Variants in HAPLN3 observed in about 807,000 individuals in gnomAD.
The protein encoded by HAPLN3 is extracellular link domain containing, 1.
Under a neutral mutation model 28.1 loss-of-function variants are expected in HAPLN3, and 28 were observed. That is an observed-to-expected ratio of 1.00 (90% CI 0.74 to 1.37). The LOEUF (loss-of-function observed/expected upper bound fraction) is 1.37. Ranked by LOEUF, HAPLN3 falls within the 40% of genes most tolerant of loss-of-function variation. The pLI is 0.00. For missense variants in HAPLN3, 513 were observed against 504.6 expected (o/e 1.02, Z -0.16); for synonymous variants, 211 against 213.1 (o/e 0.99, Z 0.09).
intron 1 of HAPLN3, among the ~76,000 whole-genome samples, chr15:88,894,971 C>T (rs1423890605): frequency 6.6e-6 from 1 of 152,206 alleles, no homozygotes; most frequent in Non-Finnish European, 1.5e-5. Flanking sequence ...AGCTGCGGTC[C>T]AGAGGCGCAG....
At position 88,889,738 on chromosome 15, in the gene HAPLN3, AG is replaced by A. The variant is rs1314693885; in HGVS notation, c.-47-2394del. On this transcript the variant is annotated intron_variant, in intron 1 of 4. Coordinates refer to ENST00000359595, the MANE Select transcript of HAPLN3 (RefSeq NM_178232.4). ...CACTTCCCTGCAGGGGCTGAGTGGA[AG>A]GTAGACCTGGGGGCAGCAAGACCAG... 2.0e-5 allele frequency among the ~76,000 whole-genome samples: 3 copies of A among 152,242 alleles called. No homozygotes were observed. In the East Asian group the frequency reaches 5.8e-4, roughly 29 times the overall value.
rs1897632899 is a variant in HAPLN3, at chr15:88,879,350, T to C, written c.494-81A>G. 1.3e-6 allele frequency: 2 copies of C among 1,588,604 alleles called. No individual in the cohort carries two copies. Among genetic ancestry groups the C allele is most frequent in the African/African-American group, 1.3e-5 (1 of 74,580 alleles). On this transcript the variant is annotated intron_variant, in intron 3 of 4. Coordinates refer to ENST00000359595, the MANE Select transcript of HAPLN3 (RefSeq NM_178232.4). The surrounding 1 kb of genome is among the most constrained non-coding windows in gnomAD (Gnocchi z 5.0). ...CACCCCGCTCTCCTCCCACCTTCACTGGGACATGTGCTGCCTGCAACACAC... is the reference window on the plus strand; with the variant it reads ...CACCCCGCTCTCCTCCCACCTTCACCGGGACATGTGCTGCCTGCAACACAC...
rs903717312 is a variant in HAPLN3 at position 88,895,181 on chromosome 15, G to C, written c.-48+278C>G. On this transcript the variant is annotated intron_variant, in intron 1 of 4. Coordinates refer to ENST00000359595, the MANE Select transcript of HAPLN3 (RefSeq NM_178232.4). The surrounding 1 kb of genome is among the most constrained non-coding windows in gnomAD (Gnocchi z 5.5). ...CTGGAGGCGGACGGTGGTCTCGGAGGCCACGGGGTCCGCTCGGGCTCTGCT... is the reference window on the plus strand; with the variant it reads ...CTGGAGGCGGACGGTGGTCTCGGAGCCCACGGGGTCCGCTCGGGCTCTGCT... 1.3e-5 allele frequency among the ~76,000 whole-genome samples: 2 copies of C among 152,152 alleles called. No individual in the cohort carries two copies. The highest frequency in any genetic ancestry group is 4.8e-5 in the African/African-American group (2 of 41,436).
At chr15:88,885,655 C>T (rs142306095) in intron 2 of HAPLN3, among the ~76,000 whole-genome samples, 1,629 of 152,238 alleles carry the variant, frequency 0.011, 31 homozygotes, top group Non-Finnish European at 0.012. Context: ...CAGGATTTCA[C>T]CAGGTTGGTC....
chr15:88,880,263 G>A lies in HAPLN3; in HGVS notation c.494-994C>T. The stretch of plus-strand genomic sequence containing the variant: ...CTCTAGGCTGCCCCTGCAGACCCCA[G>A]ACCAATGACTCTTGCAGGTTCTCCC... On this transcript the variant is annotated intron_variant, in intron 3 of 4. Coordinates refer to ENST00000359595, the MANE Select transcript of HAPLN3 (RefSeq NM_178232.4). The surrounding 1 kb of genome is among the most constrained non-coding windows in gnomAD (Gnocchi z 6.0). 1 of 1,041,190 alleles carries A rather than the reference G, an allele frequency of 9.6e-7. No individual in the cohort carries two copies. The highest frequency in any genetic ancestry group is 1.2e-6 in the Non-Finnish European group (1 of 862,900). The allele number at this position is 1,041,190 out of a possible 1,614,324, so 64.5% of individuals were successfully genotyped here. A position where few individuals can be genotyped will look rare whatever the true frequency, so the allele number is the denominator to read the frequency against.
At chr15:88,892,249 G>C (rs1434360919) in intron 1 of HAPLN3, among the ~76,000 whole-genome samples, 1 of 152,102 alleles carries the variant, frequency 6.6e-6, no homozygotes, top group Non-Finnish European at 1.5e-5. Flanking sequence ...CTGAGGTCAG[G>C]AGTTTGAGAC....
rs1897568911 is a variant in HAPLN3, at chr15:88,877,826, C to A, written c.*144G>T. On this transcript the variant is annotated 3_prime_UTR_variant, in exon 5 of 5. Coordinates refer to ENST00000359595, the MANE Select transcript of HAPLN3 (RefSeq NM_178232.4). The surrounding 1 kb of genome is among the most constrained non-coding windows in gnomAD (Gnocchi z 5.1). ...GAGGCATTGGGTTCTGTTTGCTTTA[C>A]AAAAAATAGTAAAAAAATGTTTAAA... is the stretch of plus-strand genomic sequence containing the variant. The A allele has an allele frequency of 3.4e-6, 3 of 870,838 alleles. No homozygotes were observed. The South Asian group carries it at 5.8e-5, about 17-fold the overall frequency. 53.9% of individuals were successfully genotyped at this position (870,838 alleles called of 1,614,324 possible). A position where few individuals can be genotyped will look rare whatever the true frequency, so the allele number is the denominator to read the frequency against.
intron 1 of HAPLN3, among the ~76,000 whole-genome samples, chr15:88,891,178 C>G (rs1304069991): frequency 6.6e-6 from 1 of 151,822 alleles, no homozygotes; most frequent in South Asian, 2.1e-4. Flanking sequence ...CTGCACCCGG[C>G]CTGCATCTCT....
chr15:88,880,400 C>A lies in HAPLN3; in HGVS notation c.493+957G>T. On this transcript the variant is annotated intron_variant, in intron 3 of 4. Coordinates refer to ENST00000359595, the MANE Select transcript of HAPLN3 (RefSeq NM_178232.4). This position sits in a 1 kb window ranked among gnomAD's most constrained non-coding sequence, Gnocchi z 6.0. ...ACAGAGAACGCATTTTAAGGACATA[C>A]ATCTTATCCTCATTGCCTCTGAGGG... 8.6e-7 allele frequency: 1 copy of A among 1,163,058 alleles called. No homozygotes were observed. Among genetic ancestry groups the A allele is most frequent in the South Asian group, 1.7e-5 (1 of 59,108 alleles). The allele number at this position is 1,163,058 out of a possible 1,614,324, so 72.0% of individuals were successfully genotyped here.
Position 88,878,868 on chromosome 15 carries a change from A to G in HAPLN3, c.796+99T>C. 8.5e-6 allele frequency: 11 copies of G among 1,298,582 alleles called. No individual in the cohort carries two copies. In the South Asian group the frequency reaches 1.2e-4, roughly 15 times the overall value. 80.4% of individuals were successfully genotyped at this position (1,298,582 alleles called of 1,614,324 possible). ...TTGGCCTCCAGGTGGCAGTACCAGCAGAGCCAGCAGAGGGGGCCAGAGCTC... is the reference window on the plus strand; with the variant it reads ...TTGGCCTCCAGGTGGCAGTACCAGCGGAGCCAGCAGAGGGGGCCAGAGCTC... On this transcript the variant is annotated intron_variant, in intron 4 of 4. Transcript: ENST00000359595.
intron 1 of HAPLN3, among the ~76,000 whole-genome samples, chr15:88,892,146 A>C (rs891099248): frequency 1.3e-5 from 2 of 152,138 alleles, no homozygotes; most frequent in African/African-American, 4.8e-5. Flanking sequence ...CCTCACATTG[A>C]GGGGGATGCC....
chr15:88,893,126 G>A, intron 1 of HAPLN3: 2 of 751,670 alleles, frequency 2.7e-6, no homozygotes, highest in Admixed American at 4.0e-5. Flanking sequence ...TAAAAAAAAG[G>A]AACTTAAGGC....
At chr15:88,889,745 C>T (rs1897961151) in intron 1 of HAPLN3, among the ~76,000 whole-genome samples, 1 of 152,180 alleles carries the variant, frequency 6.6e-6, no homozygotes, top group African/African-American at 2.4e-5. Flanking sequence ...GGAAGGTAGA[C>T]CTGGGGGCAG....
intron 4 of HAPLN3, among the ~76,000 whole-genome samples, chr15:88,878,695 C>T (rs1012836275): frequency 1.3e-5 from 2 of 152,358 alleles, no homozygotes; most frequent in Non-Finnish European, 2.9e-5. Context: ...CTGTGATTCC[C>T]GAGAGCCTAG....
intron 2 of HAPLN3, among the ~76,000 whole-genome samples, 159 bp downstream of exon 2, chr15:88,887,016 C>G (rs927219413): frequency 2.0e-5 from 3 of 152,106 alleles, no homozygotes; most frequent in African/African-American, 7.2e-5. Context: ...ATGAACTCAC[C>G]CCTTCCCCTG....
chr15:88,886,446 C>G (rs1596171872), intron 2 of HAPLN3, among the ~76,000 whole-genome samples: 1 of 152,036 alleles, frequency 6.6e-6, no homozygotes, highest in African/African-American at 2.4e-5. Flanking sequence ...AGAAGCGCGC[C>G]CAACCCATGT....
rs1318967719 is a variant in HAPLN3, at chr15:88,881,770, CT to C, written c.125-46del. The stretch of plus-strand genomic sequence containing the variant: ...GCAGATGAGACCTGCTGAAGCACAT[CT>C]GTACCCCTGCAAGGGCCACCGCACA... On this transcript the variant is annotated intron_variant, in intron 2 of 4. Coordinates refer to ENST00000359595, the MANE Select transcript of HAPLN3 (RefSeq NM_178232.4). The surrounding 1 kb of genome is among the most constrained non-coding windows in gnomAD (Gnocchi z 6.0). 2.6e-6 allele frequency: 4 copies of C among 1,561,486 alleles called. No homozygotes were observed. The African/African-American group carries it at 4.1e-5, about 16-fold the overall frequency.
At position 88,880,429 on chromosome 15, in the gene HAPLN3, T is replaced by G; in HGVS notation, c.493+928A>C. ...TTATCCTCATTGCCTCTGAGGGAGG[T>G]AAAGGAGGAAAGATTGTGATACCCC... On this transcript the variant is annotated intron_variant, in intron 3 of 4. Coordinates refer to ENST00000359595, the MANE Select transcript of HAPLN3 (RefSeq NM_178232.4). This position sits in a 1 kb window ranked among gnomAD's most constrained non-coding sequence, Gnocchi z 6.0. 1 of 1,179,464 alleles carries G rather than the reference T, an allele frequency of 8.5e-7. No individual in the cohort carries two copies. The highest frequency in any genetic ancestry group is 1.6e-5 in the South Asian group (1 of 62,046). 73.1% of individuals were successfully genotyped at this position (1,179,464 alleles called of 1,614,324 possible). A position where few individuals can be genotyped will look rare whatever the true frequency, so the allele number is the denominator to read the frequency against.
In HAPLN3 at chr15:88,879,996, C is replaced by T. The variant is rs1897653551; in HGVS notation, c.494-727G>A. On this transcript the variant is annotated intron_variant, in intron 3 of 4. Coordinates refer to ENST00000359595, the MANE Select transcript of HAPLN3 (RefSeq NM_178232.4). This position sits in a 1 kb window ranked among gnomAD's most constrained non-coding sequence, Gnocchi z 5.0. ...TGACCCTAGGGGTCTGGGAAGGACA[C>T]TTTGGAATCTCCTCCGTGTGGCCAA... 2.0e-6 allele frequency: 2 copies of T among 994,016 alleles called. No individual in the cohort carries two copies. Among genetic ancestry groups the T allele is most frequent in the Non-Finnish European group, 2.4e-6 (2 of 835,124 alleles). The allele number at this position is 994,016 out of a possible 1,614,324, so 61.6% of individuals were successfully genotyped here.
Sources: allele counts gnomAD v4.1 joint callset (sites outside exome capture counted in the v4.1 genomes callset), GRCh38; gene constraint gnomAD v4.1.1; non-coding constraint Gnocchi (gnomAD v3.1); transcripts MANE v1.5; gene names NCBI Gene and HGNC (gene_info 2026-07-23, HGNC 2026-07-21).